KMT5B: variants seen among roughly 807,000 people sequenced by gnomAD.
KMT5B encodes histone-lysine N-methyltransferase KMT5B.
Under a neutral mutation model 83.2 loss-of-function variants are expected in KMT5B, and 10 were observed. The observed-to-expected ratio is 0.12, with a 90% CI of 0.07 to 0.20. The LOEUF (loss-of-function observed/expected upper bound fraction) is 0.20. KMT5B is among the 10% of genes least tolerant of loss of function. KMT5B has a pLI of 1.00. For synonymous variants in KMT5B, 349 were observed against 388.8 expected, an observed-to-expected ratio of 0.90 and a Z score of 1.20; for missense variants, 753 against 1,067.2, an observed-to-expected ratio of 0.71 and a Z score of 4.10.
chr11:68,164,023 C>G (rs1855082094), intron 10 of KMT5B, among the ~76,000 whole-genome samples: 1 of 152,136 alleles, frequency 6.6e-6, no homozygotes, highest in Non-Finnish European at 1.5e-5. Flanking sequence ...TCTCACCTTC[C>G]CTATCACAGC....
intron 1 of KMT5B, among the ~76,000 whole-genome samples, chr11:68,202,956 C>T (rs1057151685): frequency 3.9e-5 from 6 of 151,984 alleles, no homozygotes; most frequent in South Asian, 4.2e-4. Flanking sequence ...GTAGAATTGC[C>T]GGGTCATATG....
Position 68,173,931 on chromosome 11 carries a change from A to T in KMT5B, c.544-18T>A, listed in dbSNP as rs1856081360. On this transcript the variant is annotated intron_variant, in intron 5 of 10. Coordinates refer to ENST00000304363, the MANE Select transcript of KMT5B (RefSeq NM_017635.5). ...ATAAATACCTAAAACAGGAAAAAAA[A>T]ATTGATAATGACTTTAAATGGTATA... 6.6e-7 allele frequency: 1 copy of T among 1,523,140 alleles called. No homozygotes were observed. Among genetic ancestry groups the T allele is most frequent in the African/African-American group, 1.4e-5 (1 of 72,492 alleles). The allele number at this position is 1,523,140 out of a possible 1,614,324, so 94.4% of individuals were successfully genotyped here. A position where few individuals can be genotyped will look rare whatever the true frequency, so the allele number is the denominator to read the frequency against.
intron 3 of KMT5B, among the ~76,000 whole-genome samples, chr11:68,183,093 T>C (rs549799400): frequency 9.9e-5 from 15 of 152,172 alleles, no homozygotes; most frequent in African/African-American, 3.6e-4. Flanking sequence ...TAATAAGGCA[T>C]AATCAATATA....
intron 10 of KMT5B, chr11:68,164,594 T>A (rs1855145380): frequency 2.0e-6 from 1 of 489,452 alleles, no homozygotes; most frequent in Non-Finnish European, 4.1e-6. Context: ...TTGAGCTCCT[T>A]CAGAGAGAGC....
chr11:68,165,512 A>G (rs967926896), intron 10 of KMT5B, among the ~76,000 whole-genome samples: 1 of 152,040 alleles, frequency 6.6e-6, no homozygotes, highest in Admixed American at 6.5e-5. Flanking sequence ...CAAAAGAAAA[A>G]AAAAAAAAGA....
In KMT5B at chr11:68,158,388, C is replaced by A. The variant is rs770635858; in HGVS notation, c.1958G>T (p.Gly653Val). 4 of 1,614,122 alleles carry A rather than the reference C, an allele frequency of 2.5e-6. No individual in the cohort carries two copies. Among genetic ancestry groups the A allele is most frequent in the African/African-American group, 1.3e-5 (1 of 75,044 alleles). The change falls in exon 11 of 11, where the codon GGT (glycine) becomes GTT (valine). Residue 653 changes from glycine (G) to valine (V), a missense_variant. Gly to Val is a moderately radical substitution (Grantham distance 109). Around this residue, in one of 9 missense-constraint regions of KMT5B, gnomAD observed 397 missense variants for 395.9 expected, o/e 1.00. Transcript: ENST00000304363. ...CACGCCCACAGTGCCACTGTGCTCA[C>A]CCTGGTCAGAATGGGGACCCATCAA... ...PDLMGPHSDQ[G>V]EHSGTVGVPV...
chr11:68,190,317 A>G (rs913499922), intron 1 of KMT5B, among the ~76,000 whole-genome samples, 165 bp from the exon 2 acceptor site: 2 of 152,224 alleles, frequency 1.3e-5, no homozygotes, highest in Non-Finnish European at 2.9e-5. Context: ...CGGTGGTTCC[A>G]TAAGATTATA....
rs376422429 is a variant in KMT5B, at chr11:68,159,088, C to T, written c.1258G>A (p.Ala420Thr). ...LTRQSMSRIP[A>T]SSNSTSSKLT... ...TTAGATGAGGTAGAGTTGGAAGAAG[C>T]TGGAATTCTTGACATAGATTGCCTC... The change falls in exon 11 of 11, where the codon GCT becomes ACT. Residue 420 changes from alanine to threonine, a missense_variant. Around this residue, in one of 9 missense-constraint regions of KMT5B, gnomAD observed 397 missense variants for 395.9 expected, o/e 1.00. Coordinates refer to ENST00000304363, the MANE Select transcript of KMT5B (RefSeq NM_017635.5). 31 of 1,607,250 alleles carry T rather than the reference C, an allele frequency of 1.9e-5. No individual in the cohort carries two copies. Among genetic ancestry groups the T allele is most frequent in the Non-Finnish European group, 2.4e-5 (28 of 1,178,490 alleles).
At chr11:68,184,300 AG>A (rs1857225263) in intron 3 of KMT5B, among the ~76,000 whole-genome samples, 1 of 152,156 alleles carries the variant, frequency 6.6e-6, no homozygotes, top group Non-Finnish European at 1.5e-5. Context: ...TGAACCCAGA[AG>A]GTGGAGGTTG....
intron 1 of KMT5B, among the ~76,000 whole-genome samples, chr11:68,212,023 G>A (rs955271534): frequency 5.9e-5 from 9 of 152,136 alleles, no homozygotes; most frequent in African/African-American, 2.2e-4. Flanking sequence ...ATTTCAACAT[G>A]CACACATTAT....
In KMT5B at chr11:68,184,270, A is replaced by G. The variant is rs369078060; in HGVS notation, c.308+1511T>C. Among the ~76,000 whole-genome samples the G allele has an allele frequency of 9.2e-5, 14 of 151,986 alleles. No individual in the cohort carries two copies. In the East Asian group the frequency reaches 1.9e-3, roughly 21 times the overall value. The stretch of plus-strand genomic sequence containing the variant: ...GCCTGTAATCCCAGCTACTTGGGAA[A>G]CTGAGGCAGAAGAATCACTTGAACC... On this transcript the variant is annotated intron_variant, in intron 3 of 10. Transcript: ENST00000304363.
intron 1 of KMT5B, among the ~76,000 whole-genome samples, chr11:68,206,878 C>A (rs752096645): frequency 3.3e-5 from 5 of 151,934 alleles, no homozygotes; most frequent in African/African-American, 1.2e-4. Context: ...AGGCTGAGCA[C>A]CAGTTCTGCT....
chr11:68,169,415 A>G (rs1170419798), intron 9 of KMT5B, among the ~76,000 whole-genome samples: 1 of 152,232 alleles, frequency 6.6e-6, no homozygotes, highest in East Asian at 1.9e-4. Context: ...GCACCAGGGT[A>G]CTGTTCTGTA....
chr11:68,202,780 C>T (rs1262825577), intron 1 of KMT5B, among the ~76,000 whole-genome samples: 1 of 152,024 alleles, frequency 6.6e-6, no homozygotes, highest in Non-Finnish European at 1.5e-5. Context: ...AACTCTTGAC[C>T]TCGTGATTTG....
chr11:68,199,245 T>C (rs565318574), intron 1 of KMT5B, among the ~76,000 whole-genome samples: 7 of 152,224 alleles, frequency 4.6e-5, no homozygotes, highest in East Asian at 1.9e-4. Flanking sequence ...TATATTCTAA[T>C]GGAAAAAAGC....
chr11:68,210,590 A>T (rs1259888043), intron 1 of KMT5B, among the ~76,000 whole-genome samples: 1 of 152,122 alleles, frequency 6.6e-6, no homozygotes, highest in African/African-American at 2.4e-5. Context: ...CTATTCCTAA[A>T]ATTACACTTC....
intron 10 of KMT5B, among the ~76,000 whole-genome samples, chr11:68,163,064 G>T (rs903023377): frequency 6.6e-6 from 1 of 152,100 alleles, no homozygotes; most frequent in African/African-American, 2.4e-5. Context: ...AAGAAACCAA[G>T]GACTATGACC....
Position 68,185,764 on chromosome 11 carries a change from TAA to T in KMT5B, c.308+15_308+16del, listed in dbSNP as rs772359703. On this transcript the variant is annotated intron_variant, in intron 3 of 10. Coordinates refer to ENST00000304363, the MANE Select transcript of KMT5B (RefSeq NM_017635.5). Reference sequence around the variant, plus strand: ...ACATAATCATCTGTTCCATTCAGGATAAAGACTGAAAATTACCTAGTATTCAT... The same window carrying T: ...ACATAATCATCTGTTCCATTCAGGATAGACTGAAAATTACCTAGTATTCAT... 3.1e-6 allele frequency: 5 copies of T among 1,609,702 alleles called. No individual in the cohort carries two copies. The South Asian group carries it at 5.5e-5, about 18-fold the overall frequency.
At chr11:68,175,581 A>G (rs1444589941) in intron 4 of KMT5B, among the ~76,000 whole-genome samples, 1 of 152,260 alleles carries the variant, frequency 6.6e-6, no homozygotes, top group African/African-American at 2.4e-5. Context: ...TCAAAGCTCT[A>G]GAATACAGCA....
Sources: gnomAD v4.1 joint callset for allele counts (sites outside exome capture counted in the v4.1 genomes callset) on GRCh38, gnomAD v4.1.1 for gene constraint, gnomAD v4.1.1 regional missense constraint, MANE v1.5 for transcripts, NCBI Gene and HGNC (gene_info 2026-07-23, HGNC 2026-07-21) for gene names.